Variants in CADPS observed in about 807,000 individuals in gnomAD.
The protein encoded by CADPS is calcium-dependent secretion activator 1.
A neutral mutation model predicts 167.3 loss-of-function variants in CADPS; 57 were observed. The ratio of observed to expected loss-of-function variants is 0.34; its 90% confidence interval spans 0.28 to 0.42. The LOEUF (loss-of-function observed/expected upper bound fraction) is 0.42. Among genes scored for constraint, CADPS ranks in the 20% least tolerant of loss-of-function variants. CADPS has a pLI of 1.00. For synonymous variants in CADPS, 676 were observed against 635.3 expected, an observed-to-expected ratio of 1.06 and a Z score of -0.96; for missense variants, 1,414 against 1,738.1, an observed-to-expected ratio of 0.81 and a Z score of 3.32.
chr3:62,875,090 C>A lies in CADPS; in HGVS notation c.-61G>T, dbSNP rs1011054659. 27 of 1,489,692 alleles carry A rather than the reference C, an allele frequency of 1.8e-5. No individual in the cohort carries two copies. The highest frequency in any genetic ancestry group is 2.4e-5 in the Non-Finnish European group (27 of 1,111,906). The allele number at this position is 1,489,692 out of a possible 1,614,324, so 92.3% of individuals were successfully genotyped here. A position where few individuals can be genotyped will look rare whatever the true frequency, so the allele number is the denominator to read the frequency against. ...GGCTTGGAGTGCAAAAGGTGGGGGG[C>A]GCTGGAGGCAGCCGGGGATCAGCTC... is the stretch of plus-strand genomic sequence containing the variant. On this transcript the variant is annotated 5_prime_UTR_variant, in exon 1 of 30. Transcript: ENST00000383710.
At chr3:62,582,512 C>G (rs1562456578) in intron 8 of CADPS, among the ~76,000 whole-genome samples, 1 of 152,148 alleles carries the variant, frequency 6.6e-6, no homozygotes, top group East Asian at 1.9e-4. Flanking sequence ...CATATTTCTA[C>G]CCTCCTTTAC....
chr3:62,613,065 CA>C (rs2061718483), intron 6 of CADPS, among the ~76,000 whole-genome samples: 2 of 152,150 alleles, frequency 1.3e-5, no homozygotes, highest in African/African-American at 4.8e-5. Context: ...ATGGGGTAAT[CA>C]GGGGACATCC....
At chr3:62,606,856 T>G (rs1481843774) in intron 6 of CADPS, among the ~76,000 whole-genome samples, 1 of 152,036 alleles carries the variant, frequency 6.6e-6, no homozygotes, top group Non-Finnish European at 1.5e-5. Flanking sequence ...CTATGTGGAG[T>G]AGACCTAAGC....
chr3:62,571,073 C>A, intron 8 of CADPS, 135 bp from the exon 9 acceptor site: 1 of 676,744 alleles, frequency 1.5e-6, no homozygotes. Context: ...GATTTTGGAG[C>A]TCTGTGGTTG....
intron 1 of CADPS, among the ~76,000 whole-genome samples, chr3:62,842,814 C>T (rs2076837279): frequency 6.6e-6 from 1 of 152,138 alleles, no homozygotes; most frequent in Non-Finnish European, 1.5e-5. Context: ...CTGAATGATG[C>T]TTCAAATTAT....
At chr3:62,557,293 G>C in intron 10 of CADPS, 112 bp downstream of exon 10, 1 of 752,620 alleles carries the variant, frequency 1.3e-6, no homozygotes, top group Non-Finnish European at 2.4e-6. Flanking sequence ...GAAACCCTTA[G>C]TGAATTGACT....
At chr3:62,689,435 T>C (rs1016623500) in intron 3 of CADPS, among the ~76,000 whole-genome samples, 2 of 152,160 alleles carry the variant, frequency 1.3e-5, no homozygotes, top group African/African-American at 4.8e-5. Flanking sequence ...GCTGTAAAAG[T>C]GTGCAAGGAG....
At chr3:62,408,107 A>C (rs1000800445) in intron 28 of CADPS, among the ~76,000 whole-genome samples, 1 of 152,202 alleles carries the variant, frequency 6.6e-6, no homozygotes, top group Non-Finnish European at 1.5e-5. Flanking sequence ...AGCTTAGATC[A>C]TTAATATGCA....
chr3:62,872,771 C>G (rs2082859301), intron 1 of CADPS, among the ~76,000 whole-genome samples: 1 of 152,170 alleles, frequency 6.6e-6, no homozygotes, highest in Admixed American at 6.5e-5. Context: ...ATTTAAAGGA[C>G]AGACCTCTAG....
intron 16 of CADPS, among the ~76,000 whole-genome samples, chr3:62,515,483 C>T (rs1228811033): frequency 1.3e-5 from 2 of 152,056 alleles, no homozygotes; most frequent in African/African-American, 4.8e-5. Context: ...GCAGTGGTAA[C>T]AAGCATTTAA....
intron 3 of CADPS, among the ~76,000 whole-genome samples, chr3:62,752,733 G>T (rs954969363): frequency 6.6e-6 from 1 of 152,192 alleles, no homozygotes; most frequent in Non-Finnish European, 1.5e-5. Flanking sequence ...TAGCAGCTGG[G>T]AATGTGCATT....
chr3:62,658,652 T>C (rs1425021734), intron 4 of CADPS, among the ~76,000 whole-genome samples: 1 of 152,160 alleles, frequency 6.6e-6, no homozygotes, highest in African/African-American at 2.4e-5. Flanking sequence ...TGATAGTTAT[T>C]ACTATTGGGT....
At chr3:62,813,290 G>C (rs2094467951) in intron 1 of CADPS, among the ~76,000 whole-genome samples, 1 of 151,992 alleles carries the variant, frequency 6.6e-6, no homozygotes, top group African/African-American at 2.4e-5. Flanking sequence ...GAACAGAATA[G>C]AGGACCCAGA....
chr3:62,841,965 G>C (rs551615747), intron 1 of CADPS, among the ~76,000 whole-genome samples: 1 of 152,276 alleles, frequency 6.6e-6, no homozygotes, highest in South Asian at 2.1e-4. Flanking sequence ...AGTTCTATTT[G>C]TGGATCTTAG....
At chr3:62,491,543 AC>A in intron 20 of CADPS, 63 bp from the exon 21 acceptor site, 1 of 1,116,308 alleles carries the variant, frequency 9.0e-7, no homozygotes, top group Non-Finnish European at 1.3e-6. Context: ...TACAACACAC[AC>A]ACACACACAC....
chr3:62,753,642 G>C lies in CADPS; in HGVS notation c.687C>G (p.Ser229Arg). The C allele has an allele frequency of 1.2e-6, 2 of 1,614,174 alleles. No individual in the cohort carries two copies. Among genetic ancestry groups the C allele is most frequent in the Non-Finnish European group, 1.7e-6 (2 of 1,180,032 alleles). Reference protein sequence around the residue: ...VRSLPEIDGLSKETVLSSWMA... With the variant: ...VRSLPEIDGLRKETVLSSWMA... Reference sequence around the variant, plus strand: ...TCCAGGAGCTCAGCACAGTCTCCTTGCTGAGGCCGTCAATCTCAGGCAGGC... The same window carrying C: ...TCCAGGAGCTCAGCACAGTCTCCTTCCTGAGGCCGTCAATCTCAGGCAGGC... Residue 229 changes from serine to arginine, a missense_variant, in exon 3 of 30, where the codon AGC (serine) becomes AGG (arginine). Physicochemically the swap from Ser to Arg is moderately radical, Grantham distance 110 (BLOSUM62 -1). Transcript: ENST00000383710. The surrounding 1 kb of genome is among the most constrained non-coding windows in gnomAD (Gnocchi z 4.6).
intron 28 of CADPS, among the ~76,000 whole-genome samples, chr3:62,428,296 CTTTTTTTTTTTTT>C (rs34002756): frequency 0.4 from 26,924 of 66,918 alleles, 4,359 homozygotes; most frequent in South Asian, 0.48. Context: ...GGAAGCAAGA[CTTTTTTTTTTTTT>C]TTTTTTTTTT....
At chr3:62,575,726 G>A (rs535837736) in intron 8 of CADPS, among the ~76,000 whole-genome samples, 2 of 152,296 alleles carry the variant, frequency 1.3e-5, no homozygotes, top group Non-Finnish European at 2.9e-5. Context: ...CCTTCTAGAT[G>A]ACAAACTTTG....
chr3:62,706,814 A>G (rs2082390980), intron 3 of CADPS, among the ~76,000 whole-genome samples: 1 of 152,100 alleles, frequency 6.6e-6, no homozygotes, highest in Admixed American at 6.5e-5. Context: ...TGAAAAGACA[A>G]TATCCAAGAG....
Sources: gnomAD v4.1 joint callset for allele counts (sites outside exome capture counted in the v4.1 genomes callset) on GRCh38, gnomAD v4.1.1 for gene constraint, Gnocchi (gnomAD v3.1) non-coding constraint, MANE v1.5 for transcripts, NCBI Gene and HGNC (gene_info 2026-07-23, HGNC 2026-07-21) for gene names.